RGS6: variants seen among roughly 807,000 people sequenced by gnomAD.
RGS6 encodes regulator of G protein signaling 6, also known as regulator of G-protein signaling 6.
In RGS6, 30 loss-of-function variants were observed where a neutral mutation model predicts 78.5. That is an observed-to-expected ratio of 0.38 (90% CI 0.29 to 0.52). The LOEUF is 0.52. Ranked by LOEUF, RGS6 falls within the 20% of genes least tolerant of loss-of-function variation. RGS6 has a pLI of 0.85. For synonymous variants in RGS6, 206 were observed against 206.0 expected, an observed-to-expected ratio of 1.00 and a Z score of 0.00; for missense variants, 495 against 609.7, an observed-to-expected ratio of 0.81 and a Z score of 1.98.
At chr14:72,430,552 C>T (rs1359397555) in intron 3 of RGS6, among the ~76,000 whole-genome samples, 1 of 152,210 alleles carries the variant, frequency 6.6e-6, no homozygotes, top group Non-Finnish European at 1.5e-5. Flanking sequence ...GTGCACCCAG[C>T]CCTAGGTCTC....
chr14:72,353,682 G>A (rs1194888581), intron 3 of RGS6, among the ~76,000 whole-genome samples: 1 of 151,910 alleles, frequency 6.6e-6, no homozygotes, highest in African/African-American at 2.4e-5. Flanking sequence ...TCTATACATA[G>A]GCCAAAATTC....
the RGS6 span, among the ~76,000 whole-genome samples, chr14:72,575,759 G>A: frequency 6.6e-6 from 1 of 152,210 alleles, no homozygotes; most frequent in Non-Finnish European, 1.5e-5. Context: ...GTATACAGGT[G>A]TCAAAACATC....
At chr14:72,026,586 A>G (rs2089905043) in intron 2 of RGS6, among the ~76,000 whole-genome samples, 1 of 152,204 alleles carries the variant, frequency 6.6e-6, no homozygotes, top group South Asian at 2.1e-4. Flanking sequence ...CAGCCAATCA[A>G]AGAATCAATT....
the RGS6 span, among the ~76,000 whole-genome samples, chr14:71,885,480 C>A: frequency 6.6e-6 from 1 of 152,192 alleles, no homozygotes; most frequent in African/African-American, 2.4e-5. Flanking sequence ...AGAGCCAATT[C>A]TCAAAGGGCA....
At chr14:72,319,651 A>G (rs1026065252) in intron 2 of RGS6, among the ~76,000 whole-genome samples, 2 of 152,182 alleles carry the variant, frequency 1.3e-5, no homozygotes, top group Non-Finnish European at 2.9e-5. Context: ...TGAAGGGGGA[A>G]AATCATCACA....
chr14:71,901,245 C>G, the RGS6 span, among the ~76,000 whole-genome samples: 1 of 152,202 alleles, frequency 6.6e-6, no homozygotes, highest in African/African-American at 2.4e-5. Context: ...CAGGGATTAA[C>G]TATCTATATC....
At chr14:72,403,168 C>T (rs1450439820) in intron 3 of RGS6, among the ~76,000 whole-genome samples, 2 of 152,152 alleles carry the variant, frequency 1.3e-5, no homozygotes, top group Non-Finnish European at 2.9e-5. Flanking sequence ...TATCACAGCA[C>T]TATTCACAAT....
chr14:72,201,124 C>T (rs954291662), intron 2 of RGS6, among the ~76,000 whole-genome samples: 12 of 152,260 alleles, frequency 7.9e-5, no homozygotes, highest in Admixed American at 1.3e-4. Context: ...GGGGAGCCCG[C>T]GTTGGAAAGC....
At chr14:72,366,223 C>T (rs2082422169) in intron 3 of RGS6, among the ~76,000 whole-genome samples, 2 of 152,240 alleles carry the variant, frequency 1.3e-5, no homozygotes, top group East Asian at 1.9e-4. Flanking sequence ...TCAGGACAAA[C>T]TCATAGGTGA....
chr14:72,219,257 C>T (rs2046319531), intron 2 of RGS6, among the ~76,000 whole-genome samples: 1 of 152,068 alleles, frequency 6.6e-6, no homozygotes, highest in African/African-American at 2.4e-5. Context: ...CACAAATGAT[C>T]TCCAAAGTGC....
At chr14:72,101,053 G>A (rs1304436243) in intron 2 of RGS6, among the ~76,000 whole-genome samples, 2 of 152,132 alleles carry the variant, frequency 1.3e-5, no homozygotes, top group Non-Finnish European at 2.9e-5. Context: ...CAGCTACTTG[G>A]GAGGCTGAGG....
intron 2 of RGS6, among the ~76,000 whole-genome samples, chr14:72,276,394 G>A (rs998300770): frequency 6.6e-6 from 1 of 152,134 alleles, no homozygotes; most frequent in South Asian, 2.1e-4. Flanking sequence ...AAAATAAATT[G>A]CAGAATATAC....
downstream of RGS6, among the ~76,000 whole-genome samples, chr14:72,571,385 G>T (rs911541393): frequency 2.0e-5 from 3 of 152,102 alleles, no homozygotes; most frequent in Non-Finnish European, 4.4e-5. Context: ...GTGCTGAAAG[G>T]TGGGCATAAA....
the RGS6 span, chr14:72,620,103 G>T: frequency 9.7e-7 from 1 of 1,035,180 alleles, no homozygotes; most frequent in Non-Finnish European, 1.3e-6. Flanking sequence ...CCCCTTTCCA[G>T]GCCCCACTTG....
chr14:72,600,972 G>A, the RGS6 span, among the ~76,000 whole-genome samples: 1 of 151,744 alleles, frequency 6.6e-6, no homozygotes, highest in Non-Finnish European at 1.5e-5. Flanking sequence ...GGAGGAGGAG[G>A]AGGAGCAGGG....
the RGS6 span, among the ~76,000 whole-genome samples, chr14:71,867,616 C>G: frequency 6.6e-6 from 1 of 152,074 alleles, no homozygotes; most frequent in Non-Finnish European, 1.5e-5. Flanking sequence ...GGAATGTCTT[C>G]GAGAGGGGTA....
intron 3 of RGS6, among the ~76,000 whole-genome samples, chr14:72,402,375 C>T (rs1438848688): frequency 2.0e-5 from 3 of 152,120 alleles, no homozygotes; most frequent in Non-Finnish European, 4.4e-5. Flanking sequence ...ATATATCTTT[C>T]CTATCAAAGA....
chr14:72,521,890 T>C (rs533848573), intron 15 of RGS6, among the ~76,000 whole-genome samples: 1 of 152,318 alleles, frequency 6.6e-6, no homozygotes, highest in South Asian at 2.1e-4. Flanking sequence ...ACAGAGTAAA[T>C]ACTACCATCT....
At chr14:71,895,282 C>CA in the RGS6 span, among the ~76,000 whole-genome samples, 1 of 152,060 alleles carries the variant, frequency 6.6e-6, no homozygotes, top group Non-Finnish European at 1.5e-5. Context: ...TCCCTGGGTT[C>CA]AAGTGATTCT....
Sources: allele counts gnomAD v4.1 joint callset (sites outside exome capture counted in the v4.1 genomes callset), GRCh38; gene constraint gnomAD v4.1.1; transcripts MANE v1.5; gene names NCBI Gene and HGNC (gene_info 2026-07-23, HGNC 2026-07-21).